Variants in TFEC observed in about 807,000 individuals in gnomAD.
TFEC encodes the protein class E basic helix-loop-helix protein 34.
A neutral mutation model predicts 41.6 loss-of-function variants in TFEC; 31 were observed. The observed-to-expected ratio is 0.74, with a 90% CI of 0.56 to 1.01. The LOEUF is 1.01. TFEC is among the 50% of genes least tolerant of loss of function. TFEC has a pLI of 0.00. For missense variants in TFEC, 402 were observed against 404.1 expected (o/e 0.99, Z 0.04); for synonymous variants, 143 against 140.6 (o/e 1.02, Z -0.12).
At position 116,037,855 on chromosome 7, in the gene TFEC, T is replaced by C. The variant is rs553415128; in HGVS notation, c.199-53342A>G. ...GTTTTACTCTACCAAAGTTATTATG[T>C]CCTTAACAAGAAGCATGTCAGGCAA... On this transcript the variant is annotated intron_variant, in intron 3 of 8. Transcript: ENST00000484212. Among the ~76,000 whole-genome samples, 6 of 152,150 alleles carry C rather than the reference T, an allele frequency of 3.9e-5. No homozygotes were observed. The South Asian group carries it at 8.3e-4, about 21-fold the overall frequency.
intron 1 of TFEC, among the ~76,000 whole-genome samples, chr7:115,995,944 A>C (rs776593000): frequency 3.9e-5 from 6 of 152,204 alleles, no homozygotes; most frequent in Non-Finnish European, 8.8e-5. Context: ...TAGTTCTTGC[A>C]AGTCTCACCA....
At chr7:116,150,929 A>C (rs1218610806) in intron 1 of TFEC, among the ~76,000 whole-genome samples, 1 of 152,168 alleles carries the variant, frequency 6.6e-6, no homozygotes, top group Non-Finnish European at 1.5e-5. Flanking sequence ...TTTTGTATGC[A>C]TCCCTCTTAA....
intron 3 of TFEC, among the ~76,000 whole-genome samples, chr7:116,095,991 G>A (rs1001790000): frequency 5.7e-4 from 86 of 152,078 alleles, no homozygotes; most frequent in African/African-American, 2.1e-3. Flanking sequence ...CTCTTCTAAA[G>A]TCTAATCCAA....
At chr7:116,064,719 A>G (rs4730708) in intron 3 of TFEC, among the ~76,000 whole-genome samples, 27,221 of 152,112 alleles carry the variant, frequency 0.18, 2,483 homozygotes, top group East Asian at 0.32. Flanking sequence ...AAAATTAAAA[A>G]AAAGAGAAGC....
At chr7:116,105,850 T>C in intron 3 of TFEC, among the ~76,000 whole-genome samples, 1 of 152,124 alleles carries the variant, frequency 6.6e-6, no homozygotes, top group East Asian at 1.9e-4. Context: ...AAGTTAAATT[T>C]TCATCCTAAT....
intron 1 of TFEC, among the ~76,000 whole-genome samples, chr7:116,120,612 T>C (rs573637104): frequency 1.3e-5 from 2 of 152,146 alleles, no homozygotes; most frequent in East Asian, 1.9e-4. Context: ...ATAGGACTTA[T>C]GCATATCTAA....
intron 1 of TFEC, among the ~76,000 whole-genome samples, chr7:116,127,103 GT>G (rs376847718): frequency 6.7e-6 from 1 of 148,790 alleles, no homozygotes; most frequent in East Asian, 2.0e-4. Context: ...TTTGTTTTTT[GT>G]TTTTTGTTTT....
rs190589109 is a variant in TFEC, at chr7:115,944,192, T to C, written c.516-2152A>G. On this transcript the variant is annotated intron_variant, in intron 6 of 7. Coordinates refer to ENST00000265440, the MANE Select transcript of TFEC (RefSeq NM_012252.4). ...ACTTCAAACTATTTAGAAAACTTTT[T>C]ACAGTGCAAAAACAAGAGTAATAGA... 3.6e-3 allele frequency among the ~76,000 whole-genome samples: 542 copies of C among 151,074 alleles called. 6 individuals carry two copies. The highest frequency in any genetic ancestry group is 4.3e-3 in the Non-Finnish European group (289 of 67,734).
chr7:115,959,744 A>G (rs1314239590), intron 3 of TFEC, among the ~76,000 whole-genome samples: 1 of 151,696 alleles, frequency 6.6e-6, no homozygotes, highest in African/African-American at 2.4e-5. Flanking sequence ...AAACAATAAA[A>G]AAGGAATAAA....
chr7:116,111,860 T>G (rs1035444204), intron 2 of TFEC: 2 of 285,902 alleles, frequency 7.0e-6, no homozygotes, highest in Non-Finnish European at 1.1e-5. Flanking sequence ...TAAATAACTC[T>G]GTTAGATAAA....
At position 115,936,419 on chromosome 7, in the gene TFEC, C is replaced by T. The variant is rs1289758411; in HGVS notation, c.*4132G>A. Reference sequence around the variant, plus strand: ...AGAAACCCAGATGGTTGATCTTGCGCTGATAACACAGTGAAATAATTAATT... The same window carrying T: ...AGAAACCCAGATGGTTGATCTTGCGTTGATAACACAGTGAAATAATTAATT... On this transcript the variant is annotated 3_prime_UTR_variant, in exon 8 of 8. Coordinates refer to ENST00000265440, the MANE Select transcript of TFEC (RefSeq NM_012252.4). The T allele has an allele frequency of 6.6e-6, 1 of 151,560 alleles. No homozygotes were observed. Among genetic ancestry groups the T allele is most frequent in the Non-Finnish European group, 1.5e-5 (1 of 67,596 alleles). 9.4% of individuals were successfully genotyped at this position (151,560 alleles called of 1,614,324 possible). A position where few individuals can be genotyped will look rare whatever the true frequency, so the allele number is the denominator to read the frequency against.
rs1224150089 is a variant in TFEC at position 115,936,017 on chromosome 7, C to T, written c.*4534G>A. 6.6e-6 allele frequency: 1 copy of T among 151,496 alleles called. No individual in the cohort carries two copies. Among genetic ancestry groups the T allele is most frequent in the Non-Finnish European group, 1.5e-5 (1 of 67,578 alleles). The allele number at this position is 151,496 out of a possible 1,614,324, so 9.4% of individuals were successfully genotyped here. A position where few individuals can be genotyped will look rare whatever the true frequency, so the allele number is the denominator to read the frequency against. The stretch of plus-strand genomic sequence containing the variant: ...ATCAAAATAGCTGTTTTCGGATAAT[C>T]TCCTATACATTCAAATCTCTATGGA... On this transcript the variant is annotated 3_prime_UTR_variant, in exon 8 of 8. Transcript: ENST00000265440.
At chr7:116,121,921 G>A (rs1206436968) in intron 1 of TFEC, among the ~76,000 whole-genome samples, 1 of 151,900 alleles carries the variant, frequency 6.6e-6, no homozygotes, top group East Asian at 1.9e-4. Flanking sequence ...GCTATTGGGA[G>A]GAAAGGAAAT....
intron 1 of TFEC, among the ~76,000 whole-genome samples, chr7:116,122,026 C>T (rs1290928444): frequency 6.6e-6 from 1 of 152,138 alleles, no homozygotes; most frequent in East Asian, 1.9e-4. Flanking sequence ...AGAATTTCTT[C>T]TCTACAGGGA....
At chr7:116,142,287 G>A (rs987911954) in intron 1 of TFEC, among the ~76,000 whole-genome samples, 2 of 152,100 alleles carry the variant, frequency 1.3e-5, no homozygotes, top group Admixed American at 6.6e-5. Context: ...CCATAAACTC[G>A]TAGAGGATGA....
At chr7:115,972,572 T>C (rs1238813625) in intron 3 of TFEC, among the ~76,000 whole-genome samples, 2 of 152,170 alleles carry the variant, frequency 1.3e-5, no homozygotes, top group Non-Finnish European at 2.9e-5. Context: ...GTGAATATTA[T>C]GCTTTACATA....
At chr7:116,018,161 G>A (rs1224249001) in intron 1 of TFEC, among the ~76,000 whole-genome samples, 1 of 152,112 alleles carries the variant, frequency 6.6e-6, no homozygotes, top group African/African-American at 2.4e-5. Context: ...AGCCCTATGA[G>A]CTAGGAACTA....
intron 1 of TFEC, among the ~76,000 whole-genome samples, chr7:116,130,650 T>C (rs1354281080): frequency 2.0e-5 from 3 of 152,170 alleles, no homozygotes; most frequent in African/African-American, 4.8e-5. Context: ...TTTCCCTTTG[T>C]TGTCCAGATT....
intron 1 of TFEC, among the ~76,000 whole-genome samples, chr7:116,153,249 T>C (rs543757740): frequency 1.6e-4 from 24 of 146,196 alleles, no homozygotes; most frequent in African/African-American, 6.0e-4. Flanking sequence ...TGTTTTTGTT[T>C]TGTTTCGTTT....
Sources: allele counts gnomAD v4.1 joint callset (sites outside exome capture counted in the v4.1 genomes callset), GRCh38; gene constraint gnomAD v4.1.1; transcripts MANE v1.5; gene names NCBI Gene and HGNC (gene_info 2026-07-23, HGNC 2026-07-21).